Variants in PNPLA6 observed in about 807,000 individuals in gnomAD.
PNPLA6 encodes patatin-like phospholipase domain-containing protein 6.
Under a neutral mutation model 153.7 loss-of-function variants are expected in PNPLA6, and 105 were observed. That is an observed-to-expected ratio of 0.68 (90% confidence interval 0.58 to 0.80). The LOEUF is 0.80. Ranked by LOEUF, PNPLA6 falls within the 30% of genes least tolerant of loss-of-function variation. The pLI is 0.00. For synonymous variants in PNPLA6, 825 were observed against 822.2 expected (o/e 1.00, Z -0.06); for missense variants, 1,423 against 1,919.3 (o/e 0.74, Z 4.83).
intron 13 of PNPLA6, among the ~76,000 whole-genome samples, chr19:7,544,710 A>G (rs1479013057): frequency 6.6e-6 from 1 of 151,930 alleles, no homozygotes; most frequent in Non-Finnish European, 1.5e-5. Context: ...CTGTGGTCCC[A>G]CTGTTAGCCG....
chr19:7,561,685 C>T lies in PNPLA6; in HGVS notation c.*123C>T. On this transcript the variant is annotated 3_prime_UTR_variant, in exon 32 of 32. Coordinates refer to ENST00000600737, the MANE Select transcript of PNPLA6 (RefSeq NM_001166114.2). ...TGACCCCCGCGGCCCACACACTGGA[C>T]TGACCTGCCCTGAGCGGGGATGCAG... 1.4e-6 allele frequency: 1 copy of T among 728,412 alleles called. No individual in the cohort carries two copies. Among genetic ancestry groups the T allele is most frequent in the South Asian group, 1.5e-5 (1 of 67,698 alleles). The allele number at this position is 728,412 out of a possible 1,614,324, so 45.1% of individuals were successfully genotyped here.
Position 7,554,971 on chromosome 19 carries a change from C to T in PNPLA6, c.2713C>T (p.Pro905Ser). 6.3e-7 allele frequency: 1 copy of T among 1,591,062 alleles called. No individual in the cohort carries two copies. The highest frequency in any genetic ancestry group is 1.1e-5 in the South Asian group (1 of 89,620). The change falls in exon 22 of 32, where the codon CCC becomes TCC. Residue 905 changes from proline (P) to serine (S), a missense_variant. By Grantham distance (74) the Pro-to-Ser change is moderately conservative. Around this residue, in one of 10 missense-constraint regions of PNPLA6, gnomAD observed 643 missense variants for 835.2 expected, o/e 0.77. Transcript: ENST00000600737. Reference protein sequence around the residue: ...VLLHREEGAGPTRTVEWLNMR... With the variant: ...VLLHREEGAGSTRTVEWLNMR... ...GCTCCACCGAGAGGAGGGCGCGGGC[C>T]CCACGCGCACCGTGGAGTGGCTAAA...
intron 18 of PNPLA6, among the ~76,000 whole-genome samples, chr19:7,551,735 C>G (rs1288506366): frequency 6.6e-6 from 1 of 152,116 alleles, no homozygotes; most frequent in Non-Finnish European, 1.5e-5. Context: ...TTGGCGTAGT[C>G]TGCCCGGGAG....
chr19:7,551,072 G>A lies in PNPLA6; in HGVS notation c.2149G>A (p.Gly717Ser), dbSNP rs2146090036. 4 of 1,549,630 alleles carry A rather than the reference G, an allele frequency of 2.6e-6. No individual in the cohort carries two copies. The highest frequency in any genetic ancestry group is 3.5e-6 in the Non-Finnish European group (4 of 1,146,776). The change falls in exon 17 of 32, where the codon GGC (glycine) becomes AGC (serine). Residue 717 changes from glycine to serine, a missense_variant. Gly to Ser is a moderately conservative substitution (Grantham distance 56, BLOSUM62 0). Transcript: ENST00000600737. Reference sequence around the variant, plus strand: ...CACGGAGCTGGCCAAGCTTCCCGAGGGCACCTTGGGTCACATCAAACGCCG... The same window carrying A: ...CACGGAGCTGGCCAAGCTTCCCGAGAGCACCTTGGGTCACATCAAACGCCG... Reference protein sequence around the residue: ...RDTELAKLPEGTLGHIKRRYP... With the variant: ...RDTELAKLPESTLGHIKRRYP...
chr19:7,548,085 C>T (rs897243033), intron 13 of PNPLA6, among the ~76,000 whole-genome samples: 1 of 151,820 alleles, frequency 6.6e-6, no homozygotes, highest in African/African-American at 2.4e-5. Context: ...GTGGCACACA[C>T]CTGTAATCCC....
intron 3 of PNPLA6, 39 bp from the exon 4 acceptor site, chr19:7,539,879 G>A (rs1014805676): frequency 1.4e-5 from 19 of 1,399,514 alleles, no homozygotes; most frequent in Admixed American, 1.2e-4. Flanking sequence ...AGCCTTCTCC[G>A]TGCCCCCCTC....
chr19:7,546,322 T>G (rs1370005892), intron 13 of PNPLA6, among the ~76,000 whole-genome samples: 1 of 152,082 alleles, frequency 6.6e-6, no homozygotes, highest in African/African-American at 2.4e-5. Flanking sequence ...ACTATACAAT[T>G]TACCCATTTA....
chr19:7,549,365 T>A (rs1162374699), intron 13 of PNPLA6, among the ~76,000 whole-genome samples: 16 of 151,528 alleles, frequency 1.1e-4, no homozygotes, highest in Admixed American at 8.6e-4. Context: ...TTTTTGTATT[T>A]TCAGTAGAGA....
At chr19:7,536,567 A>ATCTACTTCAAATTCCTC in intron 3 of PNPLA6, 21 bp downstream of exon 3, 1 of 1,512,564 alleles carries the variant, frequency 6.6e-7, no homozygotes, top group Non-Finnish European at 9.2e-7. Flanking sequence ...GCTGGGTGTG[A>ATCTACTTCAAATTCCTC]CCTGGTATTA....
Position 7,536,020 on chromosome 19 carries a change from A to G in PNPLA6, c.232A>G (p.Lys78Glu). ...LLVVRRLRVP[K>E]TPAPDGPRYR... ...GGTGGTGCGGAGGCTGCGAGTGCCA[A>G]GTGAGCACCCGAGGGGCCCCTCTTG... Residue 78 changes from lysine to glutamate, a missense_variant and splice_region_variant, in exon 1 of 32, where the codon AAA becomes GAA. Physicochemically the swap from Lys to Glu is moderately conservative, Grantham distance 56. Coordinates refer to ENST00000600737, the MANE Select transcript of PNPLA6 (RefSeq NM_001166114.2). 1 of 1,576,218 alleles carries G rather than the reference A, an allele frequency of 6.3e-7. No homozygotes were observed. Among genetic ancestry groups the G allele is most frequent in the Non-Finnish European group, 8.6e-7 (1 of 1,161,834 alleles).
intron 27 of PNPLA6, among the ~76,000 whole-genome samples, chr19:7,557,854 G>A (rs980498842): frequency 2.6e-5 from 4 of 151,896 alleles, no homozygotes; most frequent in Non-Finnish European, 5.9e-5. Flanking sequence ...ACAAGTGGAT[G>A]TACGTACAAG....
In PNPLA6 at chr19:7,541,009, G is replaced by T; in HGVS notation, c.882G>T (p.Ala294=). 3 of 1,611,036 alleles carry T rather than the reference G, an allele frequency of 1.9e-6. No homozygotes were observed. The highest frequency in any genetic ancestry group is 2.5e-6 in the Non-Finnish European group (3 of 1,179,234). The change falls in exon 7 of 32, where the codon GCG becomes GCT. Residue 294 remains alanine, a synonymous_variant. Transcript: ENST00000600737. This position sits in a 1 kb window ranked among gnomAD's most constrained non-coding sequence, Gnocchi z 5.2. ...GCCTGCCGGTGGAAGCATTCTCCGC[G>T]GTCTTCACCAAGTACCCGGAGAGCT... ...VLRLPVEAFS[A]VFTKYPESLV... is the part of the protein sequence containing the mutation.
intron 26 of PNPLA6, 158 bp downstream of exon 26, chr19:7,556,882 G>A (rs568310891): frequency 4.1e-5 from 29 of 711,816 alleles, no homozygotes; most frequent in Non-Finnish European, 6.4e-5. Context: ...CTAATGCCCC[G>A]GAGACCCCAG....
At chr19:7,554,487 A>G (rs891624041) in intron 20 of PNPLA6, 68 bp from the exon 21 acceptor site, 39 of 1,558,236 alleles carry the variant, frequency 2.5e-5, no homozygotes, top group Middle Eastern at 3.3e-4. Context: ...CAACGGAGCT[A>G]TGTGGTCTCG....
chr19:7,556,764 A>C (rs1369270182), intron 26 of PNPLA6, 40 bp downstream of exon 26: 1 of 1,413,444 alleles, frequency 7.1e-7, no homozygotes, highest in Admixed American at 1.7e-5. Flanking sequence ...CGCTGACGCC[A>C]CGTGGGGTTG....
chr19:7,537,716 A>G (rs1239472325), intron 3 of PNPLA6, among the ~76,000 whole-genome samples: 1 of 152,160 alleles, frequency 6.6e-6, no homozygotes, highest in Non-Finnish European at 1.5e-5. Flanking sequence ...ATCTCGGCTC[A>G]CTGCAACCTC....
In PNPLA6 at chr19:7,541,921, C is replaced by T. The variant is rs899928836; in HGVS notation, c.1169-63C>T. The T allele has an allele frequency of 2.1e-6, 3 of 1,429,612 alleles. No homozygotes were observed. The African/African-American group carries it at 4.2e-5, about 20-fold the overall frequency. The allele number at this position is 1,429,612 out of a possible 1,614,324, so 88.6% of individuals were successfully genotyped here. A position where few individuals can be genotyped will look rare whatever the true frequency, so the allele number is the denominator to read the frequency against. ...ATCAGTCGCCAGCATCTCCTTATCT[C>T]CCAACCTGCTAATCCTCCTAGTGGC... On this transcript the variant is annotated intron_variant, in intron 9 of 31. Transcript: ENST00000600737. This position sits in a 1 kb window ranked among gnomAD's most constrained non-coding sequence, Gnocchi z 5.2.
intron 28 of PNPLA6, 136 bp downstream of exon 28, chr19:7,559,287 C>G: frequency 1.3e-6 from 1 of 789,946 alleles, no homozygotes; most frequent in Middle Eastern, 2.4e-4. Context: ...GAAAACAGAT[C>G]AGTGATCAAT....
rs1482299729 is a variant in PNPLA6 at position 7,540,368 on chromosome 19, C to G, written c.714+60C>G. On this transcript the variant is annotated intron_variant, in intron 5 of 31. Coordinates refer to ENST00000600737, the MANE Select transcript of PNPLA6 (RefSeq NM_001166114.2). The surrounding 1 kb of genome is among the most constrained non-coding windows in gnomAD (Gnocchi z 6.8). ...ATGGGTGGTGGGGATGGGCAGCAGGCATTGGTCTGTAGAGCTGGTGGTCTT... is the reference window on the plus strand; with the variant it reads ...ATGGGTGGTGGGGATGGGCAGCAGGGATTGGTCTGTAGAGCTGGTGGTCTT... 9.1e-6 allele frequency: 14 copies of G among 1,539,722 alleles called. No individual in the cohort carries two copies. The African/African-American group carries it at 1.6e-4, about 18-fold the overall frequency.
Sources: allele counts gnomAD v4.1 joint callset (sites outside exome capture counted in the v4.1 genomes callset), GRCh38; gene constraint gnomAD v4.1.1; regional missense constraint gnomAD v4.1.1; non-coding constraint Gnocchi (gnomAD v3.1); transcripts MANE v1.5; gene names NCBI Gene and HGNC (gene_info 2026-07-23, HGNC 2026-07-21).